Variants in UBAC2 observed in about 807,000 individuals in gnomAD.
The protein encoded by UBAC2 is UBA domain containing 2, also known as ubiquitin-associated domain-containing protein 2.
UBAC2 carries 26 observed loss-of-function variants against 44.0 expected under a neutral mutation model. The ratio of observed to expected loss-of-function variants is 0.59; its 90% CI spans 0.43 to 0.82. UBAC2 has a LOEUF of 0.82. UBAC2 is among the 40% of genes least tolerant of loss of function. The pLI, the probability that UBAC2 is intolerant of heterozygous loss-of-function variation, is 0.00. For synonymous variants in UBAC2, 155 were observed against 154.3 expected (o/e 1.00, Z -0.04); for missense variants, 329 against 419.4 (o/e 0.78, Z 1.88).
chr13:99,207,835 A>T (rs1194444431), intron 1 of UBAC2, among the ~76,000 whole-genome samples: 1 of 152,136 alleles, frequency 6.6e-6, no homozygotes, highest in Non-Finnish European at 1.5e-5. Context: ...TGTCCCCTGC[A>T]TACTGCTAAA....
At chr13:99,355,024 G>A (rs547380513) in intron 7 of UBAC2, among the ~76,000 whole-genome samples, 21 of 152,274 alleles carry the variant, frequency 1.4e-4, no homozygotes, top group South Asian at 1.2e-3. Context: ...AGGCAAGTGC[G>A]GGAATGAGAC....
intron 1 of UBAC2, among the ~76,000 whole-genome samples, chr13:99,227,249 G>T (rs1240537830): frequency 6.6e-6 from 1 of 151,538 alleles, no homozygotes; most frequent in Non-Finnish European, 1.5e-5. Flanking sequence ...CCCCGGTTAT[G>T]CTGCAGTAGC....
chr13:99,242,755 G>A (rs1175121587), intron 2 of UBAC2, among the ~76,000 whole-genome samples: 3 of 150,096 alleles, frequency 2.0e-5, no homozygotes, highest in East Asian at 4.0e-4. Flanking sequence ...TCTCCCGGAC[G>A]GGGTGGCTGC....
Position 99,385,374 on chromosome 13 carries a change from G to A in UBAC2, c.*39G>A, listed in dbSNP as rs1370134273. The A allele has an allele frequency of 2.0e-6, 3 of 1,509,480 alleles. No individual in the cohort carries two copies. The highest frequency in any genetic ancestry group is 1.4e-5 in the African/African-American group (1 of 72,950). The allele number at this position is 1,509,480 out of a possible 1,614,324, so 93.5% of individuals were successfully genotyped here. ...ACACTGGGACCGGACCGGCAGCCGA[G>A]TGACAGTGCGTGGTCCCCACCATCA... On this transcript the variant is annotated 3_prime_UTR_variant, in exon 9 of 9. Coordinates refer to ENST00000403766, the MANE Select transcript of UBAC2 (RefSeq NM_001144072.2).
intron 7 of UBAC2, among the ~76,000 whole-genome samples, chr13:99,360,820 T>C (rs1351105525): frequency 6.6e-6 from 1 of 152,184 alleles, no homozygotes; most frequent in Non-Finnish European, 1.5e-5. Flanking sequence ...TAATTATATA[T>C]CATCTTGCAT....
At chr13:99,286,769 G>C (rs982692030) in intron 4 of UBAC2, among the ~76,000 whole-genome samples, 2 of 152,138 alleles carry the variant, frequency 1.3e-5, no homozygotes, top group Admixed American at 6.5e-5. Context: ...TTAGTTTGCT[G>C]TTGCCACGTT....
chr13:99,335,446 G>A (rs565459110), intron 6 of UBAC2, among the ~76,000 whole-genome samples: 52 of 151,548 alleles, frequency 3.4e-4, no homozygotes, highest in African/African-American at 1.1e-3. Flanking sequence ...TACAGAGAAT[G>A]CCTCTGCCTA....
At chr13:99,248,916 C>A (rs1300256610) in intron 4 of UBAC2, among the ~76,000 whole-genome samples, 1 of 152,068 alleles carries the variant, frequency 6.6e-6, no homozygotes, top group Non-Finnish European at 1.5e-5. Context: ...GTCTTCTTTC[C>A]CTCTTTCTTC....
At chr13:99,218,516 A>C (rs2043021799) in intron 1 of UBAC2, among the ~76,000 whole-genome samples, 1 of 150,456 alleles carries the variant, frequency 6.6e-6, no homozygotes, top group Non-Finnish European at 1.5e-5. Context: ...TTCCCTGGAA[A>C]CTTCTTAGCA....
At chr13:99,215,685 C>A in intron 1 of UBAC2, 8 of 1,497,254 alleles carry the variant, frequency 5.3e-6, no homozygotes, top group Non-Finnish European at 6.3e-6. Context: ...GAACTGCAAG[C>A]CGGCTCTCTG....
rs2044156546 is a variant in UBAC2, at chr13:99,295,499, T to TAGCAGATGAGAATGATTATAAGTGG, written c.390-18596_390-18572dup. The TAGCAGATGAGAATGATTATAAGTGG allele has an allele frequency of 6.2e-7, 1 of 1,613,816 alleles. No homozygotes were observed. The highest frequency in any genetic ancestry group is 1.3e-5 in the African/African-American group (1 of 74,878). On this transcript the variant is annotated intron_variant, in intron 4 of 8. Coordinates refer to ENST00000403766, the MANE Select transcript of UBAC2 (RefSeq NM_001144072.2). This position sits in a 1 kb window ranked among gnomAD's most constrained non-coding sequence, Gnocchi z 4.1. ...GAAGAGTTTGCAGCAGATCTGAGAA[T>TAGCAGATGAGAATGATTATAAGTGG]AGCAGATGAGAATGATTATAAGTGG...
intron 4 of UBAC2, among the ~76,000 whole-genome samples, chr13:99,268,866 T>C (rs1302245876): frequency 1.3e-5 from 2 of 151,894 alleles, no homozygotes; most frequent in African/African-American, 4.8e-5. Flanking sequence ...GAGATGGAGA[T>C]TGGCCATGGG....
intron 4 of UBAC2, among the ~76,000 whole-genome samples, chr13:99,292,876 A>G (rs2138711134): frequency 6.6e-6 from 1 of 152,352 alleles, no homozygotes; most frequent in South Asian, 2.1e-4. Flanking sequence ...TATGTTATAT[A>G]ATAAAGTCAT....
intron 4 of UBAC2, among the ~76,000 whole-genome samples, chr13:99,266,429 A>AT (rs1246419566): frequency 6.6e-6 from 1 of 152,038 alleles, no homozygotes; most frequent in Non-Finnish European, 1.5e-5. Flanking sequence ...GTTGGACTGC[A>AT]TTCAAAGCTG....
Position 99,324,440 on chromosome 13 carries a change from C to T in UBAC2, c.561+6371C>T, listed in dbSNP as rs1032228375. ...AAGCAGGGCCCGGAGAGGGGCAGCT[C>T]CTCAGACTCCAGAATGAAGAAGTCA... On this transcript the variant is annotated intron_variant, in intron 6 of 8. Transcript: ENST00000403766. 3.9e-5 allele frequency among the ~76,000 whole-genome samples: 6 copies of T among 152,306 alleles called. No individual in the cohort carries two copies. In the Middle Eastern group the frequency reaches 0.01, roughly 259 times the overall value.
chr13:99,369,272 T>G (rs1401774071), intron 8 of UBAC2, among the ~76,000 whole-genome samples: 2 of 152,200 alleles, frequency 1.3e-5, no homozygotes, highest in East Asian at 1.9e-4. Context: ...ATTGTCGAAC[T>G]TTAACAATTT....
chr13:99,315,085 C>G (rs1256852697), intron 5 of UBAC2, among the ~76,000 whole-genome samples: 2 of 152,150 alleles, frequency 1.3e-5, no homozygotes, highest in African/African-American at 2.4e-5. Context: ...TCTCACTTCT[C>G]CAGTCTGCTG....
chr13:99,227,379 T>C (rs1377553034), intron 1 of UBAC2, among the ~76,000 whole-genome samples: 1 of 152,176 alleles, frequency 6.6e-6, no homozygotes, highest in Non-Finnish European at 1.5e-5. Context: ...GGGAGCTGGC[T>C]GATAGAGTAA....
intron 4 of UBAC2, among the ~76,000 whole-genome samples, chr13:99,250,402 C>T (rs913183544): frequency 6.6e-6 from 1 of 152,192 alleles, no homozygotes; most frequent in African/African-American, 2.4e-5. Flanking sequence ...GTTCTCTATT[C>T]TGTTCCACTG....
Sources: gnomAD v4.1 joint callset for allele counts (sites outside exome capture counted in the v4.1 genomes callset) on GRCh38, gnomAD v4.1.1 for gene constraint, Gnocchi (gnomAD v3.1) non-coding constraint, MANE v1.5 for transcripts, NCBI Gene and HGNC (gene_info 2026-07-23, HGNC 2026-07-21) for gene names.